Variants in TNXB observed in about 807,000 individuals in gnomAD.
TNXB encodes the protein tenascin XB, also known as tenascin-X.
Under a neutral mutation model 340.5 loss-of-function variants are expected in TNXB, and 183 were observed. The observed-to-expected ratio is 0.54, with a 90% CI of 0.48 to 0.61. The LOEUF is 0.61. TNXB is among the 20% of genes least tolerant of loss of function. TNXB has a pLI of 0.00. For missense variants in TNXB, 4,613 were observed against 5,446.4 expected, an observed-to-expected ratio of 0.85 and a Z score of 4.82; for synonymous variants, 2,121 against 2,314.5, an observed-to-expected ratio of 0.92 and a Z score of 2.40.
intron 21 of TNXB, among the ~76,000 whole-genome samples, chr6:32,060,225 G>T (rs1388017091): frequency 6.7e-6 from 1 of 149,974 alleles, no homozygotes; most frequent in Non-Finnish European, 1.5e-5. Context: ...CCAGCTACTC[G>T]GGAGGCTGAG....
intron 23 of TNXB, among the ~76,000 whole-genome samples, chr6:32,056,378 T>C (rs537873017): frequency 9.2e-5 from 14 of 152,104 alleles, no homozygotes; most frequent in African/African-American, 3.1e-4. Context: ...CCTGGGACAG[T>C]CACCAGCACA....
chr6:32,049,444 A>C lies in TNXB; in HGVS notation c.9583T>G (p.Ser3195Ala), dbSNP rs761247663. 9 of 1,612,560 alleles carry C rather than the reference A, an allele frequency of 5.6e-6. No individual in the cohort carries two copies. The highest frequency in any genetic ancestry group is 7.6e-6 in the Non-Finnish European group (9 of 1,179,884). ...SWTVPQGRFD[S>A]FTVQYKDRDG... is the part of the protein sequence containing the mutation. ...CTGTCCTTGTACTGCACGGTGAAGG[A>C]GTCGAAGCGGCCCTGGGGGACGGTC... is the stretch of plus-strand genomic sequence containing the variant. The change falls in exon 28 of 44, where the codon TCC becomes GCC. Residue 3195 changes from serine to alanine, a missense_variant. Physicochemically the swap from Ser to Ala is moderately conservative, Grantham distance 99. Around this residue, in one of 7 missense-constraint regions of TNXB, gnomAD observed 4,327 missense variants for 4,859.4 expected, o/e 0.89. Coordinates refer to ENST00000644971, the MANE Select transcript of TNXB (RefSeq NM_001365276.2). The surrounding 1 kb of genome is among the most constrained non-coding windows in gnomAD (Gnocchi z 4.5).
Position 32,072,008 on chromosome 6 carries a change from A to C in TNXB, c.4972T>G (p.Ser1658Ala), listed in dbSNP as rs749552054. 8 of 1,604,500 alleles carry C rather than the reference A, an allele frequency of 5.0e-6. No homozygotes were observed. The highest frequency in any genetic ancestry group is 1.7e-6 in the Non-Finnish European group (2 of 1,174,800). The change falls in exon 13 of 44, where the codon TCT (serine) becomes GCT (alanine). Residue 1658 changes from serine (S) to alanine (A), a missense_variant. Ser to Ala is a moderately conservative substitution (Grantham distance 99). Transcript: ENST00000644971. This position sits in a 1 kb window ranked among gnomAD's most constrained non-coding sequence, Gnocchi z 4.4. ...IQDGKRRSPVSVEAKTVARGD... is the reference protein window; with the variant it reads ...IQDGKRRSPVAVEAKTVARGD... ...ATCTCACCCGTCTTTGCCTCCACAG[A>C]GACTGGGCTGCGTCGTTTCCCATCC...
At chr6:32,106,880 A>G (rs1781008074) in intron 1 of TNXB, among the ~76,000 whole-genome samples, 1 of 152,326 alleles carries the variant, frequency 6.6e-6, no homozygotes, top group South Asian at 2.1e-4. Context: ...GTACACTTAC[A>G]AATATATTAA....
rs149376928 is a variant in TNXB, at chr6:32,068,475, C to G, written c.6135G>C (p.Leu2045=). The G allele has an allele frequency of 1.7e-4, 275 of 1,613,912 alleles. 2 individuals carry two copies. In the East Asian group the frequency reaches 6.0e-3, roughly 35 times the overall value. ...GHEEGVTISG[L]EPDHKYKMNL... is the part of the protein sequence containing the mutation. ...TCATCTTGTATTTATGGTCTGGCTC[C>G]AGGCCCGAGATGGTGACCCCTTCCT... The change falls in exon 17 of 44, where the codon CTG becomes CTC. Residue 2045 remains leucine (L), a synonymous_variant. Transcript: ENST00000644971. The surrounding 1 kb of genome is among the most constrained non-coding windows in gnomAD (Gnocchi z 5.3).
intron 21 of TNXB, among the ~76,000 whole-genome samples, chr6:32,059,489 G>A (rs1483563149): frequency 6.7e-6 from 1 of 150,282 alleles, no homozygotes; most frequent in Non-Finnish European, 1.5e-5. Flanking sequence ...AGAGTGTGGG[G>A]TGGGGGTGGG....
At position 32,067,668 on chromosome 6, in the gene TNXB, G is replaced by A. The variant is rs376635848; in HGVS notation, c.6537C>T (p.Gly2179=). 1.6e-5 allele frequency: 26 copies of A among 1,612,974 alleles called. No individual in the cohort carries two copies. Among genetic ancestry groups the A allele is most frequent in the African/African-American group, 6.7e-5 (5 of 74,872 alleles). Residue 2179 remains glycine (G), a synonymous_variant, in exon 18 of 44, where the codon GGC becomes GGT. Coordinates refer to ENST00000644971, the MANE Select transcript of TNXB (RefSeq NM_001365276.2). The surrounding 1 kb of genome is among the most constrained non-coding windows in gnomAD (Gnocchi z 4.2). ...TCTGCAGTGCACACTCACCCGTGAC[G>A]CCCACAGCAGACACTGGGCCCACGC... ...GRRVGPVSAV[G]VTAPEEESPD... is the part of the protein sequence containing the mutation.
At position 32,079,446 on chromosome 6, in the gene TNXB, C is replaced by T. The variant is rs1387869774; in HGVS notation, c.4043-81G>A. The stretch of plus-strand genomic sequence containing the variant: ...GATGACAGCCATGGAAATGCCCTTA[C>T]GCTGTGGGCTCAGGGGCTCTGTAGC... On this transcript the variant is annotated intron_variant, in intron 10 of 43. Coordinates refer to ENST00000644971, the MANE Select transcript of TNXB (RefSeq NM_001365276.2). This position sits in a 1 kb window ranked among gnomAD's most constrained non-coding sequence, Gnocchi z 7.1. The T allele has an allele frequency of 4.3e-5, 51 of 1,182,974 alleles. No homozygotes were observed. The highest frequency in any genetic ancestry group is 2.8e-4 in the South Asian group (18 of 65,406). The allele number at this position is 1,182,974 out of a possible 1,614,324, so 73.3% of individuals were successfully genotyped here.
chr6:32,076,314 C>A (rs1779077665), intron 11 of TNXB, among the ~76,000 whole-genome samples: 1 of 152,162 alleles, frequency 6.6e-6, no homozygotes, highest in Non-Finnish European at 1.5e-5. Context: ...AGAAGTGTGT[C>A]TAATGAGCTC....
intron 28 of TNXB, 26 bp from the exon 29 acceptor site, chr6:32,048,676 G>T (rs748702137): frequency 7.0e-7 from 1 of 1,422,750 alleles, no homozygotes; most frequent in Non-Finnish European, 9.2e-7. Flanking sequence ...CAGGCCCATG[G>T]GTCAGGAGGC....
At chr6:32,066,903 CTACAAAAAA>C (rs1778369337) in intron 18 of TNXB, among the ~76,000 whole-genome samples, 2 of 152,004 alleles carry the variant, frequency 1.3e-5, no homozygotes, top group African/African-American at 4.8e-5. Flanking sequence ...AACCCTGTCT[CTACAAAAAA>C]TACAAAAAAT....
chr6:32,048,078 C>T (rs898536082), intron 29 of TNXB, 66 bp from the exon 30 acceptor site: 17 of 1,542,632 alleles, frequency 1.1e-5, no homozygotes, highest in Non-Finnish European at 1.4e-5. Flanking sequence ...GCTTCCTGGG[C>T]TGCTATGGCT....
intron 26 of TNXB, among the ~76,000 whole-genome samples, chr6:32,050,565 C>T (rs1477232067): frequency 2.6e-5 from 4 of 151,304 alleles, no homozygotes; most frequent in Non-Finnish European, 4.4e-5. Flanking sequence ...CCTCCAGCAC[C>T]GCCTCTCTTT....
intron 11 of TNXB, chr6:32,078,679 A>G (rs1243861223): frequency 3.4e-6 from 1 of 293,234 alleles, no homozygotes; most frequent in African/African-American, 2.3e-5. Context: ...GACAAAGCAG[A>G]CCTCAGAGTA....
intron 4 of TNXB, among the ~76,000 whole-genome samples, chr6:32,094,616 C>A (rs762977767): frequency 6.6e-6 from 1 of 152,036 alleles, no homozygotes; most frequent in Non-Finnish European, 1.5e-5. Flanking sequence ...GGAAAAGGGG[C>A]GAAGAAACTG....
In TNXB at chr6:32,108,124, G is replaced by A. The variant is rs1013427866; in HGVS notation, c.-9+1057C>T. Among the ~76,000 whole-genome samples the A allele has an allele frequency of 2.0e-5, 3 of 152,104 alleles. No individual in the cohort carries two copies. The highest frequency in any genetic ancestry group is 7.2e-5 in the African/African-American group (3 of 41,406). ...TCTGGAGTGAGCAAAGGAAGTTTGAGGAATTGAGGTGCTGGGTCCCCAGGG... is the reference window on the plus strand; with the variant it reads ...TCTGGAGTGAGCAAAGGAAGTTTGAAGAATTGAGGTGCTGGGTCCCCAGGG... On this transcript the variant is annotated intron_variant, in intron 1 of 43. Transcript: ENST00000644971. The surrounding 1 kb of genome is among the most constrained non-coding windows in gnomAD (Gnocchi z 4.8).
Position 32,069,791 on chromosome 6 carries a change from C to T in TNXB, c.5349G>A (p.Gln1783=). 1 of 1,610,608 alleles carries T rather than the reference C, an allele frequency of 6.2e-7. No homozygotes were observed. Among genetic ancestry groups the T allele is most frequent in the Non-Finnish European group, 8.5e-7 (1 of 1,178,518 alleles). Residue 1783 remains glutamine (Q), a synonymous_variant, in exon 15 of 44, where the codon CAG becomes CAA. Coordinates refer to ENST00000644971, the MANE Select transcript of TNXB (RefSeq NM_001365276.2). The surrounding 1 kb of genome is among the most constrained non-coding windows in gnomAD (Gnocchi z 6.2). ...CGGAGTTCTGGGTCACGGTGGTCAC[C>T]TGCAGCTCCTCCCCCAGACGGGGTT... ...PPKPRLGEEL[Q]VTTVTQNSVG...
rs998848000 is a variant in TNXB at position 32,108,032 on chromosome 6, C to G, written c.-9+1149G>C. 6.6e-6 allele frequency among the ~76,000 whole-genome samples: 1 copy of G among 152,102 alleles called. No homozygotes were observed. The highest frequency in any genetic ancestry group is 2.4e-5 in the African/African-American group (1 of 41,420). Reference sequence around the variant, plus strand: ...AAGAGAAAGGATTTCCAGGCCCCAGCTGAAAATGGTTAGGGGTGCAATGAG... The same window carrying G: ...AAGAGAAAGGATTTCCAGGCCCCAGGTGAAAATGGTTAGGGGTGCAATGAG... On this transcript the variant is annotated intron_variant, in intron 1 of 43. Transcript: ENST00000644971. This position sits in a 1 kb window ranked among gnomAD's most constrained non-coding sequence, Gnocchi z 4.8.
intron 11 of TNXB, among the ~76,000 whole-genome samples, 188 bp downstream of exon 11, chr6:32,078,845 G>A (rs556014199): frequency 2.0e-5 from 3 of 152,366 alleles, no homozygotes; most frequent in South Asian, 4.1e-4. Context: ...CAGAGGTGCA[G>A]AAAGTTTAAA....
Sources: allele counts gnomAD v4.1 joint callset (sites outside exome capture counted in the v4.1 genomes callset), GRCh38; gene constraint gnomAD v4.1.1; regional missense constraint gnomAD v4.1.1; non-coding constraint Gnocchi (gnomAD v3.1); transcripts MANE v1.5; gene names NCBI Gene and HGNC (gene_info 2026-07-23, HGNC 2026-07-21).